RAB27B: variants seen among roughly 807,000 people sequenced by gnomAD.
RAB27B encodes RAB27B, member RAS oncogene family, also known as ras-related protein Rab-27B.
A neutral mutation model predicts 24.6 loss-of-function variants in RAB27B; 15 were observed. The ratio of observed to expected loss-of-function variants is 0.61; its 90% confidence interval spans 0.41 to 0.94. The LOEUF is 0.94. Among genes scored for constraint, RAB27B ranks in the 40% least tolerant of loss-of-function variants. The pLI, the probability that RAB27B is intolerant of heterozygous loss-of-function variation, is 0.00. For missense variants in RAB27B, 261 were observed against 266.8 expected (o/e 0.98, Z 0.15); for synonymous variants, 105 against 92.5 (o/e 1.14, Z -0.78).
intron 2 of RAB27B, among the ~76,000 whole-genome samples, chr18:54,814,818 A>G (rs143162135): frequency 2.3e-4 from 35 of 152,342 alleles, no homozygotes; most frequent in African/African-American, 7.0e-4. Context: ...TACTACAAAT[A>G]GTTTTTATTG....
intron 4 of RAB27B, among the ~76,000 whole-genome samples, chr18:54,887,574 A>G (rs1364567521): frequency 6.6e-6 from 1 of 152,162 alleles, no homozygotes; most frequent in Non-Finnish European, 1.5e-5. Flanking sequence ...ACTTAATAAT[A>G]AAAGCACCTA....
At chr18:54,760,029 A>G (rs1270199293) in intron 2 of RAB27B, among the ~76,000 whole-genome samples, 1 of 152,196 alleles carries the variant, frequency 6.6e-6, no homozygotes, top group Non-Finnish European at 1.5e-5. Context: ...CCGAGCTGTT[A>G]AATACATAAG....
intron 2 of RAB27B, among the ~76,000 whole-genome samples, chr18:54,818,685 T>C (rs1015650499): frequency 6.6e-5 from 10 of 152,096 alleles, no homozygotes; most frequent in African/African-American, 2.2e-4. Context: ...GGGATCCCAC[T>C]AAGACATGCA....
chr18:54,804,432 T>G (rs888331255), intron 2 of RAB27B, among the ~76,000 whole-genome samples: 2 of 152,208 alleles, frequency 1.3e-5, no homozygotes, highest in Non-Finnish European at 2.9e-5. Flanking sequence ...TCATTTTCTC[T>G]TGCTGCCACC....
At chr18:54,823,680 AC>A (rs1568081452), upstream of RAB27B, among the ~76,000 whole-genome samples, 1 of 151,956 alleles carries the variant, frequency 6.6e-6, no homozygotes, top group Admixed American at 6.6e-5. Context: ...CATTGTGCAA[AC>A]CTCTCAAATC....
intron 1 of RAB27B, among the ~76,000 whole-genome samples, chr18:54,864,230 G>C (rs1170499923): frequency 6.6e-6 from 1 of 152,132 alleles, no homozygotes; most frequent in East Asian, 1.9e-4. Context: ...TCTCATTGCA[G>C]TTTTGACCCA....
Position 54,776,776 on chromosome 18 carries a change from G to A in RAB27B, c.-20+58635G>A, listed in dbSNP as rs530097022. Among the ~76,000 whole-genome samples the A allele has an allele frequency of 3.9e-5, 6 of 152,240 alleles. No homozygotes were observed. The South Asian group carries it at 8.3e-4, about 21-fold the overall frequency. ...AAGGTTTGATGAATGAATAAATCTC[G>A]GGCCTGGCATGGTCAGGCATGCCCG... On this transcript the variant is annotated intron_variant, in intron 2 of 4. Coordinates refer to the RAB27B transcript ENST00000586570.
intron 2 of RAB27B, among the ~76,000 whole-genome samples, chr18:54,760,230 A>C (rs373206497): frequency 4.5e-4 from 69 of 152,226 alleles, no homozygotes; most frequent in African/African-American, 1.6e-3. Context: ...AGGTGTTGAG[A>C]GTTGGGGGCT....
intron 2 of RAB27B, among the ~76,000 whole-genome samples, chr18:54,813,170 C>A (rs1910020126): frequency 1.3e-5 from 2 of 152,142 alleles, no homozygotes; most frequent in South Asian, 4.1e-4. Context: ...TTCTGTATCC[C>A]ATCTGCTTAT....
intron 2 of RAB27B, among the ~76,000 whole-genome samples, chr18:54,736,201 G>T (rs1909886993): frequency 6.6e-6 from 1 of 152,094 alleles, no homozygotes; most frequent in African/African-American, 2.4e-5. Flanking sequence ...AATTTGTGCT[G>T]CCTTTTGCTT....
chr18:54,806,182 G>A (rs949516026), intron 2 of RAB27B, among the ~76,000 whole-genome samples: 3 of 152,072 alleles, frequency 2.0e-5, no homozygotes, highest in Non-Finnish European at 4.4e-5. Context: ...CACAGTTTTT[G>A]AAATATGTTG....
At chr18:54,746,531 T>C (rs1331021605) in intron 2 of RAB27B, among the ~76,000 whole-genome samples, 1 of 152,210 alleles carries the variant, frequency 6.6e-6, no homozygotes, top group Non-Finnish European at 1.5e-5. Flanking sequence ...CTTGTAGATA[T>C]AAGAATCTTA....
chr18:54,775,117 C>T (rs1730677081), intron 2 of RAB27B, among the ~76,000 whole-genome samples: 1 of 152,184 alleles, frequency 6.6e-6, no homozygotes, highest in South Asian at 2.1e-4. Flanking sequence ...AGGTGTTCAG[C>T]TTCTCATCCA....
chr18:54,885,512 A>G (rs983857974), intron 4 of RAB27B, among the ~76,000 whole-genome samples: 1 of 151,974 alleles, frequency 6.6e-6, no homozygotes, highest in Non-Finnish European at 1.5e-5. Flanking sequence ...CATTCCCTTT[A>G]TCTTTTTTCT....
At chr18:54,870,754 A>G (rs952449758) in intron 1 of RAB27B, among the ~76,000 whole-genome samples, 10 of 152,346 alleles carry the variant, frequency 6.6e-5, no homozygotes, top group Non-Finnish European at 1.5e-4. Context: ...GTATAGATAT[A>G]CACCATGCCA....
rs77350395 is a variant in RAB27B, at chr18:54,888,064, C to A, written c.413C>A (p.Pro138Gln). 1 of 1,612,990 alleles carries A rather than the reference C, an allele frequency of 6.2e-7. No homozygotes were observed. The highest frequency in any genetic ancestry group is 2.2e-5 in the East Asian group (1 of 44,866). ...IVLIGNKADL[P>Q]DQREVNERQA... ...TTAATTGGCAACAAGGCAGACCTAC[C>A]AGATCAGAGGGAAGTCAATGAACGG... Residue 138 changes from proline (P) to glutamine (Q), a missense_variant, in exon 5 of 6, where the codon CCA (proline) becomes CAA (glutamine). By Grantham distance (76) the Pro-to-Gln change is moderately conservative (BLOSUM62 -1). Transcript: ENST00000262094.
intron 2 of RAB27B, among the ~76,000 whole-genome samples, chr18:54,749,939 G>A (rs777880948): frequency 8.5e-5 from 13 of 152,120 alleles, no homozygotes; most frequent in Non-Finnish European, 1.6e-4. Flanking sequence ...AATAAATACT[G>A]TTTAGAAATC....
intron 2 of RAB27B, among the ~76,000 whole-genome samples, chr18:54,804,107 T>C (rs147366491): frequency 6.6e-6 from 1 of 152,308 alleles, no homozygotes; most frequent in East Asian, 1.9e-4. Context: ...AGAACTATTG[T>C]CTTATTGTAT....
rs191649128 is a variant in RAB27B at position 54,829,300 on chromosome 18, G to A, written c.-20+600G>A. On this transcript the variant is annotated intron_variant, in intron 1 of 5. Transcript: ENST00000262094. ...CTGATCACAATAAATTAGCTTTCAA[G>A]ACTTTCCCACCCAATGCAACATTAA... Among the ~76,000 whole-genome samples, 352 of 152,282 alleles carry A rather than the reference G, an allele frequency of 2.3e-3. 2 individuals are homozygous for A. The highest frequency in any genetic ancestry group is 1.9e-3 in the Non-Finnish European group (129 of 68,034).
Sources: allele counts gnomAD v4.1 joint callset (sites outside exome capture counted in the v4.1 genomes callset), GRCh38; gene constraint gnomAD v4.1.1; transcripts MANE v1.5; gene names NCBI Gene and HGNC (gene_info 2026-07-23, HGNC 2026-07-21).